The following CALN1 variants were observed in gnomAD, a reference collection of about 807,000 sequenced individuals.
CALN1 encodes calneuron 1.
In CALN1, 17 loss-of-function variants were observed where a neutral mutation model predicts 30.6. The observed-to-expected ratio is 0.56, with a 90% CI of 0.38 to 0.83. The LOEUF (loss-of-function observed/expected upper bound fraction) is 0.83, where lower values mean the gene tolerates loss of function less well. Among genes scored for constraint, CALN1 ranks in the 40% least tolerant of loss-of-function variants. The pLI, the probability that CALN1 is intolerant of heterozygous loss-of-function variation, is 0.00. For synonymous variants in CALN1, 156 were observed against 131.4 expected (o/e 1.19, Z -1.28); for missense variants, 291 against 354.9 (o/e 0.82, Z 1.45).
chr7:72,399,459 T>C (rs1272567142), intron 2 of CALN1, among the ~76,000 whole-genome samples: 2 of 151,770 alleles, frequency 1.3e-5, no homozygotes, highest in East Asian at 1.9e-4. Context: ...TTAGTAGAGA[T>C]AGGGCTTCAC....
chr7:71,869,970 G>A (rs1227176889), intron 5 of CALN1, among the ~76,000 whole-genome samples: 1 of 152,178 alleles, frequency 6.6e-6, no homozygotes, highest in African/African-American at 2.4e-5. Context: ...ACCAACCCAG[G>A]TGGGCACTGA....
intron 5 of CALN1, among the ~76,000 whole-genome samples, chr7:71,922,367 C>G (rs1223160694): frequency 6.6e-6 from 1 of 151,152 alleles, no homozygotes; most frequent in East Asian, 1.9e-4. Flanking sequence ...AAAGCTGAGA[C>G]CTATAGGACT....
At chr7:72,119,030 CTG>C (rs1330322150) in intron 3 of CALN1, among the ~76,000 whole-genome samples, 3 of 152,278 alleles carry the variant, frequency 2.0e-5, no homozygotes, top group African/African-American at 7.2e-5. Context: ...TTTTGGAAGA[CTG>C]TAAGAATAGA....
intron 3 of CALN1, among the ~76,000 whole-genome samples, chr7:72,115,491 T>C (rs1430480748): frequency 2.4e-5 from 2 of 82,406 alleles, no homozygotes; most frequent in Non-Finnish European, 6.9e-5. Flanking sequence ...ATTCTTTTTT[T>C]TTTTTTTTTT....
intron 2 of CALN1, among the ~76,000 whole-genome samples, chr7:72,307,437 G>A (rs1369709383): frequency 1.3e-5 from 2 of 152,166 alleles, no homozygotes; most frequent in Non-Finnish European, 2.9e-5. Context: ...AGCCCGTCTG[G>A]CCGCAAGAGA....
chr7:71,868,107 T>C (rs752212372), intron 5 of CALN1, among the ~76,000 whole-genome samples: 1 of 152,224 alleles, frequency 6.6e-6, no homozygotes, highest in Non-Finnish European at 1.5e-5. Flanking sequence ...TTACAAAATC[T>C]ATCCCCATCC....
chr7:72,192,192 T>C (rs1256875032), intron 3 of CALN1, among the ~76,000 whole-genome samples: 2 of 152,188 alleles, frequency 1.3e-5, no homozygotes, highest in Non-Finnish European at 2.9e-5. Flanking sequence ...GGCTAGATAG[T>C]ATATGCTATT....
chr7:72,280,472 A>G (rs1317240128), intron 2 of CALN1, among the ~76,000 whole-genome samples: 3 of 152,262 alleles, frequency 2.0e-5, no homozygotes, highest in Admixed American at 6.5e-5. Context: ...TTCCAAATCT[A>G]TCCTTATATT....
At chr7:72,037,156 A>AT (rs35583201) in intron 4 of CALN1, among the ~76,000 whole-genome samples, 28 of 149,400 alleles carry the variant, frequency 1.9e-4, no homozygotes, top group South Asian at 6.4e-4. Context: ...TCTTTTCATA[A>AT]TTTTTTTTTT....
intron 2 of CALN1, among the ~76,000 whole-genome samples, chr7:72,344,176 C>G (rs1156677861): frequency 6.6e-6 from 1 of 152,036 alleles, no homozygotes; most frequent in African/African-American, 2.4e-5. Context: ...GCTACTCAAG[C>G]CCCTGCTGTG....
rs151212618 is a variant in CALN1 at position 71,965,193 on chromosome 7, A to G, written c.501+58464T>C. Reference sequence around the variant, plus strand: ...CAGGCACATGTCACCCCACCCAGCTAAACTTTTTATTATTCTTTATAGAAA... The same window carrying G: ...CAGGCACATGTCACCCCACCCAGCTGAACTTTTTATTATTCTTTATAGAAA... On this transcript the variant is annotated intron_variant, in intron 5 of 6. Transcript: ENST00000395275. 5.1e-3 allele frequency among the ~76,000 whole-genome samples: 782 copies of G among 152,064 alleles called. 8 individuals carry two copies. Among genetic ancestry groups the G allele is most frequent in the African/African-American group, 0.017 (719 of 41,472 alleles).
chr7:72,317,062 GAGAAAGAGAGACAC>G (rs1273596439), intron 2 of CALN1, among the ~76,000 whole-genome samples: 5 of 98,560 alleles, frequency 5.1e-5, no homozygotes, highest in Non-Finnish European at 2.0e-5. Flanking sequence ...AAGAGAGAGA[GAGAAAGAGAGACAC>G]AGAAAGAGAG....
At chr7:72,393,115 C>G (rs1196133376) in intron 2 of CALN1, among the ~76,000 whole-genome samples, 3 of 151,980 alleles carry the variant, frequency 2.0e-5, no homozygotes, top group Non-Finnish European at 2.9e-5. Context: ...GGGTCATAGC[C>G]CAAAGCAGCC....
intron 6 of CALN1, among the ~76,000 whole-genome samples, chr7:71,793,619 C>T (rs1786709714): frequency 6.6e-6 from 1 of 152,116 alleles, no homozygotes. Context: ...CACCCGTAAT[C>T]CCAGCACTTT....
rs531388200 is a variant in CALN1 at position 71,868,972 on chromosome 7, G to A, written c.502-58480C>T. 3.0e-4 allele frequency among the ~76,000 whole-genome samples: 45 copies of A among 152,252 alleles called. No individual in the cohort carries two copies. In the South Asian group the frequency reaches 6.9e-3, roughly 23 times the overall value. On this transcript the variant is annotated intron_variant, in intron 5 of 6. Transcript: ENST00000395275. Reference sequence around the variant, plus strand: ...AGAGGCTGGCTCAGCTGACCAAACTGTCATCTGACTCATTTCCTCTTAGCT... The same window carrying A: ...AGAGGCTGGCTCAGCTGACCAAACTATCATCTGACTCATTTCCTCTTAGCT...
At chr7:72,128,926 T>G (rs1171167551) in intron 3 of CALN1, among the ~76,000 whole-genome samples, 1 of 152,052 alleles carries the variant, frequency 6.6e-6, no homozygotes, top group Non-Finnish European at 1.5e-5. Flanking sequence ...ATAAGCTAAG[T>G]GAAAAATCAG....
At chr7:72,044,694 C>T (rs1802358858) in intron 4 of CALN1, among the ~76,000 whole-genome samples, 1 of 143,514 alleles carries the variant, frequency 7.0e-6, no homozygotes, top group Non-Finnish European at 1.5e-5. Flanking sequence ...TCATTGCAGG[C>T]TCGAACTCCT....
At chr7:71,855,211 G>A (rs1790873703) in intron 5 of CALN1, among the ~76,000 whole-genome samples, 1 of 152,154 alleles carries the variant, frequency 6.6e-6, no homozygotes, top group Admixed American at 6.5e-5. Context: ...CTATGGGCTG[G>A]CAGCATTACC....
At chr7:72,171,974 C>G (rs1789005156) in intron 3 of CALN1, among the ~76,000 whole-genome samples, 1 of 152,112 alleles carries the variant, frequency 6.6e-6, no homozygotes, top group Non-Finnish European at 1.5e-5. Context: ...AGTAGCACAG[C>G]CAGAACCATA....
Sources: gnomAD v4.1 joint callset for allele counts (sites outside exome capture counted in the v4.1 genomes callset) on GRCh38, gnomAD v4.1.1 for gene constraint, MANE v1.5 for transcripts, NCBI Gene and HGNC (gene_info 2026-07-23, HGNC 2026-07-21) for gene names.